IGF2BP2: variants seen among roughly 807,000 people sequenced by gnomAD.
IGF2BP2 encodes insulin-like growth factor 2 mRNA-binding protein 2.
In IGF2BP2, 17 loss-of-function variants were observed where a neutral mutation model predicts 75.8. The observed-to-expected ratio is 0.22, with a 90% CI of 0.15 to 0.34. The LOEUF is 0.34. IGF2BP2 is among the 10% of genes least tolerant of loss of function. IGF2BP2 has a pLI of 1.00. For synonymous variants in IGF2BP2, 288 were observed against 295.6 expected, an observed-to-expected ratio of 0.97 and a Z score of 0.26; for missense variants, 516 against 772.4, an observed-to-expected ratio of 0.67 and a Z score of 3.93.
At chr3:185,714,136 T>C (rs935716818) in intron 2 of IGF2BP2, among the ~76,000 whole-genome samples, 4 of 152,176 alleles carry the variant, frequency 2.6e-5, no homozygotes, top group Non-Finnish European at 5.9e-5. Flanking sequence ...GTGTAGTCTA[T>C]ACATAAGCAT....
intron 2 of IGF2BP2, among the ~76,000 whole-genome samples, chr3:185,767,573 G>A (rs139844605): frequency 6.6e-6 from 1 of 152,110 alleles, no homozygotes; most frequent in African/African-American, 2.4e-5. Context: ...TTTGAAAAAT[G>A]TATTTGACCA....
chr3:185,736,436 T>G (rs1455842182), intron 2 of IGF2BP2, among the ~76,000 whole-genome samples: 1 of 152,260 alleles, frequency 6.6e-6, no homozygotes, highest in African/African-American at 2.4e-5. Context: ...TGAACACTTT[T>G]TACAGCTTTG....
intron 2 of IGF2BP2, among the ~76,000 whole-genome samples, chr3:185,744,457 A>G (rs1354270459): frequency 6.6e-6 from 1 of 152,218 alleles, no homozygotes; most frequent in Non-Finnish European, 1.5e-5. Flanking sequence ...ATCTCCCATA[A>G]TCCCATCAGA....
chr3:185,796,827 C>T (rs1737481655), intron 2 of IGF2BP2, among the ~76,000 whole-genome samples: 1 of 152,198 alleles, frequency 6.6e-6, no homozygotes, highest in Admixed American at 6.5e-5. Context: ...TCAGTATCAA[C>T]AGGGCATACC....
At position 185,778,273 on chromosome 3, in the gene IGF2BP2, A is replaced by G. The variant is rs1404356579; in HGVS notation, c.239+44880T>C. ...TCACGGCACTCACACACACCCCCAC[A>G]CTCACTCAGACAGGGACAACTTAGA... On this transcript the variant is annotated intron_variant, in intron 2 of 15. Coordinates refer to ENST00000382199, the MANE Select transcript of IGF2BP2 (RefSeq NM_006548.6). 2.0e-5 allele frequency among the ~76,000 whole-genome samples: 3 copies of G among 152,006 alleles called. No homozygotes were observed. In the East Asian group the frequency reaches 5.8e-4, roughly 29 times the overall value.
At chr3:185,793,609 A>T (rs1736928381) in intron 2 of IGF2BP2, among the ~76,000 whole-genome samples, 1 of 152,222 alleles carries the variant, frequency 6.6e-6, no homozygotes, top group Non-Finnish European at 1.5e-5. Context: ...CAACTTTGAT[A>T]TAATTGACAC....
chr3:185,663,032 C>T (rs1217229807), intron 10 of IGF2BP2, among the ~76,000 whole-genome samples: 1 of 152,136 alleles, frequency 6.6e-6, no homozygotes, highest in African/African-American at 2.4e-5. Context: ...TGGAAGGGGG[C>T]TTTCAAATCT....
At chr3:185,823,344 C>G (rs1458683050) in intron 1 of IGF2BP2, 131 bp from the exon 2 acceptor site, 2 of 544,840 alleles carry the variant, frequency 3.7e-6, no homozygotes, top group African/African-American at 4.0e-5. Flanking sequence ...CTACCCGGAT[C>G]GAGCTGGGCG....
At chr3:185,753,745 T>C (rs889949930) in intron 2 of IGF2BP2, among the ~76,000 whole-genome samples, 5 of 152,172 alleles carry the variant, frequency 3.3e-5, no homozygotes, top group Non-Finnish European at 7.3e-5. Flanking sequence ...CTTGGATGTG[T>C]GTCCCCTCCA....
intron 2 of IGF2BP2, among the ~76,000 whole-genome samples, chr3:185,769,547 T>C (rs1416516434): frequency 6.6e-6 from 1 of 151,960 alleles, no homozygotes; most frequent in Non-Finnish European, 1.5e-5. Flanking sequence ...TCTCCAAAGA[T>C]TAGAAATGGC....
intron 2 of IGF2BP2, among the ~76,000 whole-genome samples, chr3:185,704,987 G>A (rs1390965980): frequency 6.6e-6 from 1 of 152,204 alleles, no homozygotes; most frequent in East Asian, 1.9e-4. Flanking sequence ...AAAGCAGTTT[G>A]GGGTATTTTT....
chr3:185,794,907 T>C (rs1383022578), intron 2 of IGF2BP2, among the ~76,000 whole-genome samples: 1 of 151,100 alleles, frequency 6.6e-6, no homozygotes, highest in East Asian at 1.9e-4. Flanking sequence ...TTTCTTTTCT[T>C]TTTTTTTTGA....
rs189269871 is a variant in IGF2BP2, at chr3:185,669,132, T to C, written c.1200+3409A>G. 3.7e-3 allele frequency among the ~76,000 whole-genome samples: 556 copies of C among 152,304 alleles called. 2 individuals carry two copies. Among genetic ancestry groups the C allele is most frequent in the African/African-American group, 0.013 (521 of 41,580 alleles). ...TAGTGGTGGTATGGAAGAAAAAATC[T>C]TGCTCCGTTACACACACTCTTGATG... On this transcript the variant is annotated intron_variant, in intron 10 of 15. Coordinates refer to ENST00000382199, the MANE Select transcript of IGF2BP2 (RefSeq NM_006548.6).
chr3:185,666,821 T>G lies in IGF2BP2; in HGVS notation c.1200+5720A>C, dbSNP rs75998080. ...AAATCAACAAAATGAAGTTAAAAACTTATAAGAAATTGAAAAGGTAATAAT... is the reference window on the plus strand; with the variant it reads ...AAATCAACAAAATGAAGTTAAAAACGTATAAGAAATTGAAAAGGTAATAAT... On this transcript the variant is annotated intron_variant, in intron 10 of 15. Transcript: ENST00000382199. Among the ~76,000 whole-genome samples, 267 of 152,228 alleles carry G rather than the reference T, an allele frequency of 1.8e-3. No individual in the cohort carries two copies. In the East Asian group the frequency reaches 0.042, roughly 24 times the overall value.
At chr3:185,797,743 A>C (rs1737622525) in intron 2 of IGF2BP2, among the ~76,000 whole-genome samples, 1 of 151,596 alleles carries the variant, frequency 6.6e-6, no homozygotes, top group Non-Finnish European at 1.5e-5. Context: ...TCTCTACAAA[A>C]AAAACAAAAA....
At chr3:185,805,744 G>A (rs1156769901) in intron 2 of IGF2BP2, among the ~76,000 whole-genome samples, 2 of 151,434 alleles carry the variant, frequency 1.3e-5, no homozygotes. Flanking sequence ...CTTAACTCGG[G>A]AAGATTACAA....
At chr3:185,797,388 A>G (rs1363734339) in intron 2 of IGF2BP2, among the ~76,000 whole-genome samples, 9 of 152,136 alleles carry the variant, frequency 5.9e-5, no homozygotes, top group Non-Finnish European at 1.3e-4. Flanking sequence ...TGGCCATATC[A>G]TTTGTTTACA....
rs112027529 is a variant in IGF2BP2 at position 185,785,806 on chromosome 3, C to T, written c.239+37347G>A. The stretch of plus-strand genomic sequence containing the variant: ...CCAGCCTGGGTAACAAAGGGAGACC[C>T]GCCTCTTTATAAATTAATTAATTAA... On this transcript the variant is annotated intron_variant, in intron 2 of 15. Coordinates refer to ENST00000382199, the MANE Select transcript of IGF2BP2 (RefSeq NM_006548.6). Among the ~76,000 whole-genome samples the T allele has an allele frequency of 3.5e-3, 528 of 152,260 alleles. 5 individuals carry two copies. The highest frequency in any genetic ancestry group is 5.5e-3 in the Non-Finnish European group (371 of 68,026).
chr3:185,745,930 T>C (rs1730199498), intron 2 of IGF2BP2, among the ~76,000 whole-genome samples: 1 of 151,654 alleles, frequency 6.6e-6, no homozygotes, highest in Non-Finnish European at 1.5e-5. Context: ...GGTCTGAAAG[T>C]TTTCTTCTTG....
Sources: gnomAD v4.1 joint callset for allele counts (sites outside exome capture counted in the v4.1 genomes callset) on GRCh38, gnomAD v4.1.1 for gene constraint, MANE v1.5 for transcripts, NCBI Gene and HGNC (gene_info 2026-07-23, HGNC 2026-07-21) for gene names.